The following ALB variants were observed in gnomAD, a reference collection of about 807,000 sequenced individuals.
ALB encodes albumin.
Under a neutral mutation model 74.5 loss-of-function variants are expected in ALB, and 37 were observed. That is an observed-to-expected ratio of 0.50 (90% CI 0.38 to 0.65). The LOEUF is 0.65. Among genes scored for constraint, ALB ranks in the 30% least tolerant of loss-of-function variants. The pLI is 0.00. For missense variants in ALB, 685 were observed against 718.7 expected, an observed-to-expected ratio of 0.95 and a Z score of 0.54; for synonymous variants, 249 against 251.6, an observed-to-expected ratio of 0.99 and a Z score of 0.10.
chr4:73,412,208 T>G, intron 7 of ALB, 83 bp downstream of exon 7: 1 of 1,495,086 alleles, frequency 6.7e-7, no homozygotes, highest in South Asian at 1.1e-5. Context: ...TGGTGATAGC[T>G]GACAGTGGGT....
At position 73,408,772 on chromosome 4, in the gene ALB, C is replaced by T; in HGVS notation, c.449C>T (p.Ala150Val). Reference sequence around the variant, plus strand: ...CCAGAGGTTGATGTGATGTGCACTGCTTTTCATGACAATGAAGAGACATTT... The same window carrying T: ...CCAGAGGTTGATGTGATGTGCACTGTTTTTCATGACAATGAAGAGACATTT... ...VRPEVDVMCT[A>V]FHDNEETFLK... Residue 150 changes from alanine (A) to valine (V), a missense_variant, in exon 4 of 15, where the codon GCT (alanine) becomes GTT (valine). By Grantham distance (64) the Ala-to-Val change is moderately conservative (BLOSUM62 0). Coordinates refer to ENST00000295897, the MANE Select transcript of ALB (RefSeq NM_000477.7). The T allele has an allele frequency of 6.2e-7, 1 of 1,613,790 alleles. No homozygotes were observed. Among genetic ancestry groups the T allele is most frequent in the Non-Finnish European group, 8.5e-7 (1 of 1,179,778 alleles).
chr4:73,408,372 G>A (rs992973661), intron 3 of ALB, among the ~76,000 whole-genome samples: 1 of 152,088 alleles, frequency 6.6e-6, no homozygotes, highest in African/African-American at 2.4e-5. Flanking sequence ...TTTTTGTCCT[G>A]TTTTATTCAC....
chr4:73,416,892 A>G (rs1719026968), intron 10 of ALB, among the ~76,000 whole-genome samples: 1 of 152,208 alleles, frequency 6.6e-6, no homozygotes, highest in Non-Finnish European at 1.5e-5. Flanking sequence ...AATTCAATAG[A>G]GTCTTATCTA....
At position 73,410,460 on chromosome 4, in the gene ALB, T is replaced by C. The variant is rs907306825; in HGVS notation, c.713+51T>C. The C allele has an allele frequency of 2.3e-5, 30 of 1,295,906 alleles. No individual in the cohort carries two copies. In the East Asian group the frequency reaches 6.5e-4, roughly 28 times the overall value. 80.3% of individuals were successfully genotyped at this position (1,295,906 alleles called of 1,614,324 possible). A position where few individuals can be genotyped will look rare whatever the true frequency, so the allele number is the denominator to read the frequency against. ...ATCTTTATAACGATGTAAATGATAA[T>C]GCTTCAGTGACAAATTGTACATTTT... On this transcript the variant is annotated intron_variant, in intron 6 of 14. Coordinates refer to ENST00000295897, the MANE Select transcript of ALB (RefSeq NM_000477.7).
intron 13 of ALB, 91 bp downstream of exon 13, chr4:73,419,730 G>C: frequency 6.8e-7 from 1 of 1,466,018 alleles, no homozygotes; most frequent in Non-Finnish European, 9.5e-7. Flanking sequence ...ATCAAAGGAG[G>C]CTTTGTACAT....
chr4:73,417,871 C>T (rs1048226278), intron 11 of ALB: 49 of 662,482 alleles, frequency 7.4e-5, no homozygotes, highest in African/African-American at 1.5e-4. Context: ...TTTTTTGAGA[C>T]GGAGTCTCGC....
Position 73,405,172 on chromosome 4 carries a change from T to A in ALB, c.136T>A (p.Leu46Met). Residue 46 changes from leucine to methionine, a missense_variant and splice_region_variant, in exon 2 of 15, where the codon TTG becomes ATG. Physicochemically the swap from Leu to Met is conservative, Grantham distance 15 (BLOSUM62 2). Transcript: ENST00000295897. ...KDLGEENFKA[L>M]VLIAFAQYLQ... ...TTTGGGAGAAGAAAATTTCAAAGCC[T>A]TGTAAGTTAAAATATTGATGAATCA... The A allele has an allele frequency of 6.2e-7, 1 of 1,608,744 alleles. No individual in the cohort carries two copies. Among genetic ancestry groups the A allele is most frequent in the Non-Finnish European group, 8.5e-7 (1 of 1,175,228 alleles).
chr4:73,418,745 A>T (rs1206035810), intron 12 of ALB, among the ~76,000 whole-genome samples: 1 of 152,246 alleles, frequency 6.6e-6, no homozygotes, highest in Non-Finnish European at 1.5e-5. Context: ...TGAGACTTGG[A>T]TAAAAAACAT....
At chr4:73,413,388 G>T in intron 7 of ALB, 32 bp from the exon 8 acceptor site, 1 of 1,568,764 alleles carries the variant, frequency 6.4e-7, no homozygotes, top group Non-Finnish European at 8.8e-7. Flanking sequence ...ATGTCAATTC[G>T]TGTTGAACAA....
At chr4:73,404,435 CTT>C (rs1718668715) in intron 1 of ALB, 29 bp downstream of exon 1, 1 of 1,554,452 alleles carries the variant, frequency 6.4e-7, no homozygotes. Context: ...TATTGTTCAA[CTT>C]TTATTCTATT....
At position 73,417,391 on chromosome 4, in the gene ALB, C is replaced by A. The variant is rs1577941217; in HGVS notation, c.1290-140C>A. On this transcript the variant is annotated intron_variant, in intron 10 of 14. Transcript: ENST00000295897. ...AGAATGTTTTCTACCCTCCACTAAC[C>A]CACTACTCTGCAGATGGAGATAATA... 7 of 1,107,176 alleles carry A rather than the reference C, an allele frequency of 6.3e-6. No homozygotes were observed. The South Asian group carries it at 7.9e-5, about 12-fold the overall frequency. 68.6% of individuals were successfully genotyped at this position (1,107,176 alleles called of 1,614,324 possible).
At chr4:73,418,981 T>C (rs1292688455) in intron 12 of ALB, among the ~76,000 whole-genome samples, 1 of 152,152 alleles carries the variant, frequency 6.6e-6, no homozygotes, top group Non-Finnish European at 1.5e-5. Flanking sequence ...TGAGTTTGGA[T>C]AGCCTTATTT....
chr4:73,406,785 ATTCT>A (rs1718740543), intron 3 of ALB, 24 bp downstream of exon 3: 7 of 1,612,954 alleles, frequency 4.3e-6, no homozygotes, highest in African/African-American at 2.7e-5. Flanking sequence ...AATTGTGGAG[ATTCT>A]TTCTTCTGTT....
rs962004 is a variant in ALB, at chr4:73,419,522, C to T, written c.1668C>T (p.Leu556=). The change falls in exon 13 of 15, where the codon CTC becomes CTT. Residue 556 remains leucine (L), a synonymous_variant. Coordinates refer to ENST00000295897, the MANE Select transcript of ALB (RefSeq NM_000477.7). ...QIKKQTALVE[L]VKHKPKATKE... is the part of the protein sequence containing the mutation. The stretch of plus-strand genomic sequence containing the variant: ...TCAAACTCAGTGCACTTGTTGAGCT[C>T]GTGAAACACAAGCCCAAGGCAACAA... The T allele has an allele frequency of 0.56, 897,677 of 1,611,588 alleles. 252,820 individuals are homozygous for T. The highest frequency in any genetic ancestry group is 0.58 in the Non-Finnish European group (686,356 of 1,178,866).
At chr4:73,411,848 C>A in intron 6 of ALB, 148 bp from the exon 7 acceptor site, 1 of 945,472 alleles carries the variant, frequency 1.1e-6, no homozygotes, top group Non-Finnish European at 1.6e-6. Flanking sequence ...AAGTGATTAC[C>A]ATTTGGTTCA....
chr4:73,404,406 C>A lies in ALB; in HGVS notation c.79C>A (p.His27Asn), dbSNP rs141733599. The A allele has an allele frequency of 1.9e-6, 3 of 1,608,428 alleles. No individual in the cohort carries two copies. Among genetic ancestry groups the A allele is most frequent in the African/African-American group, 2.7e-5 (2 of 74,840 alleles). ...CAGGGGTGTGTTTCGTCGAGATGCA[C>A]GTAAGAAATCCATTTTTCTATTGTT... is the stretch of plus-strand genomic sequence containing the variant. ...YSRGVFRRDA[H>N]KSEVAHRFKD... Residue 27 changes from histidine (H) to asparagine (N), a missense_variant and splice_region_variant, in exon 1 of 15, where the codon CAC becomes AAC. Coordinates refer to ENST00000295897, the MANE Select transcript of ALB (RefSeq NM_000477.7).
chr4:73,415,869 T>G (rs1363023518), intron 9 of ALB, among the ~76,000 whole-genome samples: 2 of 152,216 alleles, frequency 1.3e-5, no homozygotes, highest in Non-Finnish European at 2.9e-5. Flanking sequence ...TTTTATTATA[T>G]GCAAGGCACT....
intron 14 of ALB, chr4:73,420,792 G>T: frequency 3.1e-6 from 1 of 322,850 alleles, no homozygotes; most frequent in Non-Finnish European, 5.6e-6. Context: ...TTCCATTGGA[G>T]AATATGATGG....
rs1718893115 is a variant in ALB, at chr4:73,412,124, G to A, written c.842G>A (p.Arg281Lys). The change falls in exon 7 of 15, where the codon AGG becomes AAG. Residue 281 changes from arginine (R) to lysine (K), a missense_variant and splice_region_variant. By Grantham distance (26) the Arg-to-Lys change is conservative. Transcript: ENST00000295897. ...GATCTGCTTGAATGTGCTGATGACA[G>A]GGTAAAGAGTCGTCGATATGCTTTT... ...HGDLLECADD[R>K]ADLAKYICEN... 2 of 1,614,056 alleles carry A rather than the reference G, an allele frequency of 1.2e-6. No homozygotes were observed. Among genetic ancestry groups the A allele is most frequent in the Non-Finnish European group, 1.7e-6 (2 of 1,179,978 alleles).
Sources: gnomAD v4.1 joint callset for allele counts (sites outside exome capture counted in the v4.1 genomes callset) on GRCh38, gnomAD v4.1.1 for gene constraint, MANE v1.5 for transcripts, NCBI Gene and HGNC (gene_info 2026-07-23, HGNC 2026-07-21) for gene names.